Variants in ARHGEF33 observed in about 807,000 individuals in gnomAD.
ARHGEF33 encodes the protein Rho guanine nucleotide exchange factor 33, also known as DH and coiled-coil domain-containing protein ENSP00000381780.
In ARHGEF33, 72 loss-of-function variants were observed where a neutral mutation model predicts 101.9. The ratio of observed to expected loss-of-function variants is 0.71; its 90% CI spans 0.58 to 0.86. The LOEUF (loss-of-function observed/expected upper bound fraction) is 0.86. Ranked by LOEUF, ARHGEF33 falls within the 40% of genes least tolerant of loss-of-function variation. The pLI is 0.00. For synonymous variants in ARHGEF33, 499 were observed against 442.5 expected (o/e 1.13, Z -1.60); for missense variants, 1,169 against 1,111.3 (o/e 1.05, Z -0.74).
intron 13 of ARHGEF33, 51 bp downstream of exon 13, chr2:38,954,507 T>C (rs928072653): frequency 1.5e-5 from 17 of 1,141,448 alleles, no homozygotes; most frequent in Admixed American, 2.0e-5. Flanking sequence ...TAAGTAATTA[T>C]TGGTTTTGGC....
intron 9 of ARHGEF33, among the ~76,000 whole-genome samples, chr2:38,942,423 G>A (rs1667336743): frequency 6.7e-6 from 1 of 149,034 alleles, no homozygotes. Context: ...ACCTCCCAAA[G>A]TGCTGGGATT....
chr2:38,895,609 ACTT>A (rs1182771817), intron 1 of ARHGEF33, among the ~76,000 whole-genome samples, 165 bp from the exon 2 acceptor site: 1 of 152,174 alleles, frequency 6.6e-6, no homozygotes, highest in Non-Finnish European at 1.5e-5. Flanking sequence ...AGAAACAAAG[ACTT>A]TTACTTTTTT....
In ARHGEF33 at chr2:38,937,399, G is replaced by T. The variant is rs1667172154; in HGVS notation, c.630G>T (p.Gln210His). 33 of 1,536,828 alleles carry T rather than the reference G, an allele frequency of 2.1e-5. No homozygotes were observed. The highest frequency in any genetic ancestry group is 2.6e-5 in the Non-Finnish European group (30 of 1,144,828). Reference sequence around the variant, plus strand: ...AGTCTTGCCTCTCGGCTGATATCCAGTCCAAGGGCCATCTCCCATCTGGCA... The same window carrying T: ...AGTCTTGCCTCTCGGCTGATATCCATTCCAAGGGCCATCTCCCATCTGGCA... ...NLKSCLSADIQSKGHLPSGMW... is the reference protein window; with the variant it reads ...NLKSCLSADIHSKGHLPSGMW... Residue 210 changes from glutamine to histidine, a missense_variant, in exon 9 of 18, where the codon CAG (glutamine) becomes CAT (histidine). Physicochemically the swap from Gln to His is conservative, Grantham distance 24 (BLOSUM62 0). Transcript: ENST00000409978.
At chr2:38,962,248 T>C (rs949077372) in intron 16 of ARHGEF33, among the ~76,000 whole-genome samples, 2 of 152,206 alleles carry the variant, frequency 1.3e-5, no homozygotes, top group African/African-American at 2.4e-5. Context: ...ATGGAAATTA[T>C]AGTGCCAATT....
At position 38,958,163 on chromosome 2, in the gene ARHGEF33, C is replaced by T. The variant is rs1398618166; in HGVS notation, c.1500C>T (p.Pro500=). 3 of 1,551,834 alleles carry T rather than the reference C, an allele frequency of 1.9e-6. No individual in the cohort carries two copies. The highest frequency in any genetic ancestry group is 2.4e-5 in the East Asian group (1 of 40,906). ...TGIHSEELLQ[P]YPSAPSSGPA... is the part of the protein sequence containing the mutation. ...TCCACTCAGAAGAGTTGCTGCAACC[C>T]TACCCTTCTGCTCCCAGTTCTGGCC... The change falls in exon 15 of 18, where the codon CCC becomes CCT. Residue 500 remains proline (P), a synonymous_variant. Coordinates refer to ENST00000409978, the MANE Select transcript of ARHGEF33 (RefSeq NM_001145451.5).
chr2:38,905,703 T>C (rs1666372651), intron 2 of ARHGEF33, among the ~76,000 whole-genome samples: 2 of 152,214 alleles, frequency 1.3e-5, no homozygotes, highest in Non-Finnish European at 1.5e-5. Context: ...TTTTCATAGA[T>C]TGCATTATCA....
chr2:38,914,086 A>G (rs1666575222), intron 2 of ARHGEF33, among the ~76,000 whole-genome samples: 1 of 152,218 alleles, frequency 6.6e-6, no homozygotes, highest in Admixed American at 6.5e-5. Flanking sequence ...AACAAGAACT[A>G]AAAATGTTAA....
intron 10 of ARHGEF33, among the ~76,000 whole-genome samples, chr2:38,945,975 C>T (rs1361145861): frequency 6.6e-6 from 1 of 152,200 alleles, no homozygotes; most frequent in African/African-American, 2.4e-5. Context: ...CATACCACTT[C>T]CCCAAAGCCA....
chr2:38,944,583 A>C (rs1325215794), intron 10 of ARHGEF33, among the ~76,000 whole-genome samples: 1 of 152,202 alleles, frequency 6.6e-6, no homozygotes, highest in Non-Finnish European at 1.5e-5. Flanking sequence ...TCTTAAACTT[A>C]GATTTTCATC....
At chr2:38,890,968 G>GTTTTTTTTTTTTTTT (rs11380408) in intron 1 of ARHGEF33, among the ~76,000 whole-genome samples, 14 of 145,016 alleles carry the variant, frequency 9.7e-5, no homozygotes, top group Non-Finnish European at 1.4e-4. Context: ...CATACTATTG[G>GTTTTTTTTTTTTTTT]TTTTTTTTTT....
intron 4 of ARHGEF33, 99 bp from the exon 5 acceptor site, chr2:38,928,808 A>C (rs368377506): frequency 3.5e-6 from 4 of 1,139,010 alleles, no homozygotes; most frequent in Non-Finnish European, 4.9e-6. Context: ...GTAGATTTTC[A>C]GGAGGCTTGT....
rs909367610 is a variant in ARHGEF33, at chr2:38,897,941, A to G, written c.-86+2092A>G. ...TTCGTGATAGAAGCCCAGTATGTGC[A>G]TGGGAGTGACTAAAGATGAGTCTCC... is the stretch of plus-strand genomic sequence containing the variant. On this transcript the variant is annotated intron_variant, in intron 2 of 17. Transcript: ENST00000409978. Among the ~76,000 whole-genome samples the G allele has an allele frequency of 2.6e-5, 4 of 152,342 alleles. No individual in the cohort carries two copies. The East Asian group carries it at 7.7e-4, about 29-fold the overall frequency.
chr2:38,938,378 T>A (rs1667208920), intron 9 of ARHGEF33, among the ~76,000 whole-genome samples: 1 of 151,878 alleles, frequency 6.6e-6, no homozygotes, highest in Admixed American at 6.6e-5. Context: ...CTACAAAAAA[T>A]AAAAAAACAA....
At chr2:38,926,434 A>C (rs983864646) in intron 4 of ARHGEF33, among the ~76,000 whole-genome samples, 6 of 152,164 alleles carry the variant, frequency 3.9e-5, no homozygotes, top group Admixed American at 2.6e-4. Flanking sequence ...TAAAGATACT[A>C]AGATCCCTCA....
chr2:38,956,137 C>A (rs1667746590), intron 13 of ARHGEF33, among the ~76,000 whole-genome samples: 1 of 151,910 alleles, frequency 6.6e-6, no homozygotes, highest in Admixed American at 6.6e-5. Context: ...AGTTAACACA[C>A]CTAGTAGGTA....
chr2:38,890,834 C>T (rs1008592096), intron 1 of ARHGEF33, among the ~76,000 whole-genome samples: 3 of 152,080 alleles, frequency 2.0e-5, no homozygotes, highest in African/African-American at 7.2e-5. Flanking sequence ...GTTTTTGATG[C>T]ACATTTATTC....
chr2:38,938,230 C>T (rs1367133248), intron 9 of ARHGEF33, among the ~76,000 whole-genome samples: 1 of 152,036 alleles, frequency 6.6e-6, no homozygotes, highest in Non-Finnish European at 1.5e-5. Context: ...TCTTCCCCTG[C>T]TTCTATGTTT....
chr2:38,960,727 A>G, intron 16 of ARHGEF33, 79 bp downstream of exon 16: 1 of 1,130,646 alleles, frequency 8.8e-7, no homozygotes, highest in South Asian at 1.8e-5. Context: ...GAGTTCTCCT[A>G]GCGTGGAGAG....
At chr2:38,964,254 C>T (rs969211807) in intron 16 of ARHGEF33, among the ~76,000 whole-genome samples, 2 of 152,036 alleles carry the variant, frequency 1.3e-5, no homozygotes, top group Non-Finnish European at 2.9e-5. Context: ...TAATCCAGAA[C>T]GTATGGAGAT....
Sources: gnomAD v4.1 joint callset for allele counts (sites outside exome capture counted in the v4.1 genomes callset) on GRCh38, gnomAD v4.1.1 for gene constraint, MANE v1.5 for transcripts, NCBI Gene and HGNC (gene_info 2026-07-23, HGNC 2026-07-21) for gene names.